The following DIAPH2 variants were observed in gnomAD, a reference collection of about 807,000 sequenced individuals.
The protein encoded by DIAPH2 is diaphanous related formin 2.
Under a neutral mutation model 92.7 loss-of-function variants are expected in DIAPH2, and 35 were observed. The observed-to-expected ratio is 0.38, with a 90% CI of 0.29 to 0.50. DIAPH2 has a LOEUF of 0.50. DIAPH2 is among the 20% of genes least tolerant of loss of function. DIAPH2 has a pLI of 0.94. For synonymous variants in DIAPH2, 301 were observed against 280.4 expected, an observed-to-expected ratio of 1.07 and a Z score of -0.73; for missense variants, 701 against 819.5, an observed-to-expected ratio of 0.86 and a Z score of 1.77.
intron 4 of DIAPH2, 85 bp downstream of exon 4, chrX:96,758,343 T>C: frequency 1.3e-6 from 1 of 770,106 alleles, no homozygotes; most frequent in Non-Finnish European, 1.9e-6. Flanking sequence ...ACCTCAGCTC[T>C]TCAGATTACC....
intron 17 of DIAPH2, among the ~76,000 whole-genome samples, chrX:97,010,052 G>T (rs912526181): frequency 1.8e-5 from 2 of 112,108 alleles, no homozygotes; most frequent in Non-Finnish European, 3.8e-5. Flanking sequence ...TGTGTTATAA[G>T]TTGATTTAGG....
intron 22 of DIAPH2, among the ~76,000 whole-genome samples, chrX:97,175,982 G>A: frequency 8.9e-6 from 1 of 112,175 alleles, no homozygotes; most frequent in South Asian, 3.7e-4. Context: ...ATCCTTCACA[G>A]GTATATTCAG....
intron 17 of DIAPH2, among the ~76,000 whole-genome samples, chrX:97,064,767 G>A (rs968436771): frequency 2.4e-4 from 26 of 110,136 alleles, no homozygotes; most frequent in Non-Finnish European, 3.4e-4. Flanking sequence ...AAAGTGCGGG[G>A]TTATGCTCAG....
rs2063804377 is a variant in DIAPH2, at chrX:96,692,745, G to A, written c.132+7555G>A. Among the ~76,000 whole-genome samples, 3 of 112,133 alleles carry A rather than the reference G, an allele frequency of 2.7e-5. No homozygotes were observed. In the South Asian group the frequency reaches 1.1e-3, roughly 41 times the overall value. On this transcript the variant is annotated intron_variant, in intron 1 of 26. Coordinates refer to ENST00000324765, the MANE Select transcript of DIAPH2 (RefSeq NM_006729.5). ...TATGTGTAAGAATTTTCCTTTCAGGGAAATGCTGTAGATAGTTAGGCAAAG... is the reference window on the plus strand; with the variant it reads ...TATGTGTAAGAATTTTCCTTTCAGGAAAATGCTGTAGATAGTTAGGCAAAG...
At position 97,300,931 on chromosome X, in the gene DIAPH2, T is replaced by TAA. The variant is rs774601881; in HGVS notation, c.2845-47152_2845-47151dup. Among the ~76,000 whole-genome samples the TAA allele has an allele frequency of 1.9e-3, 20 of 10,791 alleles. 1 individual carries two copies. Among genetic ancestry groups the TAA allele is most frequent in the African/African-American group, 5.1e-3 (17 of 3,353 alleles). 9.4% of individuals were successfully genotyped at this position (10,791 alleles called of 115,157 possible). A position where few individuals can be genotyped will look rare whatever the true frequency, so the allele number is the denominator to read the frequency against. On this transcript the variant is annotated intron_variant, in intron 23 of 26. Coordinates refer to ENST00000324765, the MANE Select transcript of DIAPH2 (RefSeq NM_006729.5). ...TGGGCCACAGAGCAAGACTCCGTCT[T>TAA]AAAAAAAAAAAAAAAAAAAAAAAAA...
intron 22 of DIAPH2, among the ~76,000 whole-genome samples, chrX:97,205,377 G>A (rs2067788106): frequency 9.0e-6 from 1 of 111,588 alleles, no homozygotes; most frequent in Admixed American, 9.5e-5. Flanking sequence ...TAGCATCAGA[G>A]TGAATAGGCA....
intron 26 of DIAPH2, among the ~76,000 whole-genome samples, chrX:97,586,892 C>A (rs1316329327): frequency 8.9e-6 from 1 of 112,174 alleles, no homozygotes; most frequent in Non-Finnish European, 1.9e-5. Context: ...TGAGACATTT[C>A]ATTTTGGTAT....
At chrX:96,912,274 A>C in intron 5 of DIAPH2, 54 bp from the exon 6 acceptor site, 1 of 909,543 alleles carries the variant, frequency 1.1e-6, no homozygotes, top group Non-Finnish European at 1.5e-6. Context: ...TGGATATTTA[A>C]TGTTTTAAAA....
chrX:97,523,976 G>A (rs2071007630), intron 26 of DIAPH2, among the ~76,000 whole-genome samples: 1 of 111,790 alleles, frequency 8.9e-6, no homozygotes, highest in African/African-American at 3.2e-5. Flanking sequence ...AAGAAAGCTA[G>A]TACAGTAAAA....
At chrX:97,025,249 T>C (rs921809425) in intron 17 of DIAPH2, among the ~76,000 whole-genome samples, 2 of 109,722 alleles carry the variant, frequency 1.8e-5, no homozygotes. Flanking sequence ...ACTCCTGAGG[T>C]TGAGACAGGA....
At chrX:97,083,316 G>A (rs1302790229) in intron 19 of DIAPH2, among the ~76,000 whole-genome samples, 1 of 112,221 alleles carries the variant, frequency 8.9e-6, no homozygotes, top group African/African-American at 3.2e-5. Context: ...ATACACAAGG[G>A]AAATTTAAGT....
At chrX:96,773,033 A>G (rs2064349182) in intron 4 of DIAPH2, among the ~76,000 whole-genome samples, 2 of 112,127 alleles carry the variant, frequency 1.8e-5, no homozygotes, top group Admixed American at 9.5e-5. Flanking sequence ...ATGTGTTTAT[A>G]TATGTCTCTC....
At chrX:97,233,960 T>A (rs1038624476) in intron 22 of DIAPH2, among the ~76,000 whole-genome samples, 2 of 110,702 alleles carry the variant, frequency 1.8e-5, no homozygotes, top group African/African-American at 6.6e-5. Context: ...GAATTCACAA[T>A]ATACATTTTA....
chrX:96,790,995 C>T (rs1422811869), intron 4 of DIAPH2, among the ~76,000 whole-genome samples: 2 of 111,787 alleles, frequency 1.8e-5, no homozygotes, highest in African/African-American at 6.5e-5. Flanking sequence ...AGCTTTCTCC[C>T]CCCTTTTAGT....
At chrX:96,713,529 C>G (rs1264238970) in intron 1 of DIAPH2, among the ~76,000 whole-genome samples, 1 of 111,566 alleles carries the variant, frequency 9.0e-6, no homozygotes. Context: ...CAGGTTCACT[C>G]TTGGTGTGCC....
chrX:96,998,538 G>A (rs1015098474), intron 17 of DIAPH2, among the ~76,000 whole-genome samples: 6 of 111,884 alleles, frequency 5.4e-5, no homozygotes, highest in Admixed American at 9.5e-5. Flanking sequence ...AGCCAAATAC[G>A]TTTTTTAATT....
intron 22 of DIAPH2, among the ~76,000 whole-genome samples, chrX:97,193,343 T>G (rs759013471): frequency 8.9e-6 from 1 of 111,804 alleles, no homozygotes; most frequent in East Asian, 2.8e-4. Context: ...TAACTTGAAC[T>G]TTGTCAATTT....
chrX:97,125,251 G>A (rs919474173), intron 21 of DIAPH2, among the ~76,000 whole-genome samples: 2 of 109,803 alleles, frequency 1.8e-5, no homozygotes, highest in African/African-American at 6.6e-5. Flanking sequence ...GAGGCGGGTG[G>A]ATCACGAGGT....
At chrX:96,862,231 T>G (rs1489962904) in intron 4 of DIAPH2, among the ~76,000 whole-genome samples, 1 of 111,963 alleles carries the variant, frequency 8.9e-6, no homozygotes, top group East Asian at 2.8e-4. Context: ...TGAATTTGTA[T>G]GGTTTGGGCC....
Sources: allele counts gnomAD v4.1 joint callset (sites outside exome capture counted in the v4.1 genomes callset), GRCh38; gene constraint gnomAD v4.1.1; transcripts MANE v1.5; gene names NCBI Gene and HGNC (gene_info 2026-07-23, HGNC 2026-07-21).